The following NEIL2 variants were observed in gnomAD, a reference collection of about 807,000 sequenced individuals.
NEIL2 encodes the protein endonuclease 8-like 2.
Under a neutral mutation model 22.2 loss-of-function variants are expected in NEIL2, and 23 were observed. That is an observed-to-expected ratio of 1.04 (90% CI 0.75 to 1.47). The LOEUF (loss-of-function observed/expected upper bound fraction) is 1.47. Among genes scored for constraint, NEIL2 ranks in the 40% most tolerant of loss-of-function variants. The pLI, the probability that NEIL2 is intolerant of heterozygous loss-of-function variation, is 0.00. For synonymous variants in NEIL2, 229 were observed against 164.8 expected (o/e 1.39, Z -2.99); for missense variants, 583 against 404.7 (o/e 1.44, Z -3.78).
chr8:11,784,237 C>T (rs1804697707), intron 4 of NEIL2, among the ~76,000 whole-genome samples: 1 of 152,206 alleles, frequency 6.6e-6, no homozygotes, highest in South Asian at 2.1e-4. Context: ...ATGGGAGTCC[C>T]TGTGCACTCA....
intron 3 of NEIL2, 136 bp downstream of exon 3, chr8:11,780,086 G>C: frequency 1.4e-6 from 1 of 690,476 alleles, no homozygotes; most frequent in Non-Finnish European, 2.5e-6. Flanking sequence ...CTTGGGGAGA[G>C]AGGCCACCTC....
chr8:11,782,817 A>G (rs552670374), intron 3 of NEIL2: 27 of 344,230 alleles, frequency 7.8e-5, no homozygotes, highest in Non-Finnish European at 1.5e-4. Context: ...ATCCAGCCAC[A>G]GAGTGTGCTT....
chr8:11,786,687 T>C lies in NEIL2; in HGVS notation c.*414T>C. ...GAGAGTCTTGCTCTGTCTCCCTGGCTAGGGTGTGGTGGTGTGATCTTGGCT... is the reference window on the plus strand; with the variant it reads ...GAGAGTCTTGCTCTGTCTCCCTGGCCAGGGTGTGGTGGTGTGATCTTGGCT... On this transcript the variant is annotated 3_prime_UTR_variant, in exon 5 of 5. Transcript: ENST00000284503. 1 of 257,656 alleles carries C rather than the reference T, an allele frequency of 3.9e-6. No individual in the cohort carries two copies. Among genetic ancestry groups the C allele is most frequent in the East Asian group, 1.1e-4 (1 of 8,750 alleles). The allele number at this position is 257,656 out of a possible 1,614,324, so 16.0% of individuals were successfully genotyped here.
chr8:11,772,921 A>C (rs1212599258), intron 2 of NEIL2, among the ~76,000 whole-genome samples: 1 of 150,048 alleles, frequency 6.7e-6, no homozygotes, highest in African/African-American at 2.5e-5. Flanking sequence ...CTCACCCCCC[A>C]CCCCCGCAAC....
At chr8:11,772,653 G>C (rs183903635) in intron 2 of NEIL2, among the ~76,000 whole-genome samples, 84 of 152,344 alleles carry the variant, frequency 5.5e-4, no homozygotes, top group Non-Finnish European at 8.5e-4. Context: ...GGCAGGGGCT[G>C]CTCCTCGCCA....
chr8:11,774,659 G>T (rs1442754469), intron 2 of NEIL2, among the ~76,000 whole-genome samples: 1 of 152,154 alleles, frequency 6.6e-6, no homozygotes, highest in Non-Finnish European at 1.5e-5. Flanking sequence ...GACAAGGCAG[G>T]TTGCTTCCAC....
rs766597503 is a variant in NEIL2, at chr8:11,786,227, G to A, written c.953G>A (p.Cys318Tyr). 1.2e-6 allele frequency: 2 copies of A among 1,613,076 alleles called. No homozygotes were observed. Among genetic ancestry groups the A allele is most frequent in the East Asian group, 2.2e-5 (1 of 44,878 alleles). ...LQRLTWWCPQ[C>Y]QPQLSEEPEQ... The stretch of plus-strand genomic sequence containing the variant: ...AGGCTCACCTGGTGGTGCCCGCAGT[G>A]CCAGCCCCAGTTGTCAGAGGAGCCA... Residue 318 changes from cysteine to tyrosine, a missense_variant, in exon 5 of 5, where the codon TGC becomes TAC. By Grantham distance (194) the Cys-to-Tyr change is radical. Coordinates refer to ENST00000284503, the MANE Select transcript of NEIL2 (RefSeq NM_145043.4).
chr8:11,774,322 C>G (rs1198647234), intron 2 of NEIL2, among the ~76,000 whole-genome samples: 1 of 152,142 alleles, frequency 6.6e-6, no homozygotes, highest in South Asian at 2.1e-4. Context: ...TTGCAGTGAG[C>G]TGAGATCGCA....
chr8:11,777,574 C>T (rs1219960269), intron 2 of NEIL2, among the ~76,000 whole-genome samples: 1 of 152,168 alleles, frequency 6.6e-6, no homozygotes, highest in African/African-American at 2.4e-5. Context: ...CACCTTTCTA[C>T]TTTCTGTCTC....
intron 2 of NEIL2, 104 bp downstream of exon 2, chr8:11,771,689 C>A: frequency 1.6e-6 from 2 of 1,263,670 alleles, no homozygotes; most frequent in Non-Finnish European, 2.2e-6. Context: ...GAGTCCGGAA[C>A]CACCAAGCTC....
intron 2 of NEIL2, among the ~76,000 whole-genome samples, chr8:11,772,885 A>G (rs1036464500): frequency 1.3e-5 from 2 of 152,184 alleles, no homozygotes; most frequent in Non-Finnish European, 2.9e-5. Flanking sequence ...CTCCATAAGT[A>G]CTAGTTCCCT....
At chr8:11,780,181 A>G (rs887515003) in intron 3 of NEIL2, among the ~76,000 whole-genome samples, 2 of 151,584 alleles carry the variant, frequency 1.3e-5, no homozygotes, top group African/African-American at 4.9e-5. Context: ...GAAGGGGAGA[A>G]TTTTCCCAGC....
chr8:11,779,587 A>T lies in NEIL2; in HGVS notation c.139-11A>T. 6.2e-7 allele frequency: 1 copy of T among 1,600,758 alleles called. No individual in the cohort carries two copies. The highest frequency in any genetic ancestry group is 8.5e-7 in the Non-Finnish European group (1 of 1,170,176). ...GTCTGTAAGGCTTGGATCTCTGTTC[A>T]TTTTTTCTAGGTCCATGGAAAGAAA... On this transcript the variant is annotated splice_polypyrimidine_tract_variant and intron_variant, in intron 2 of 4. Coordinates refer to ENST00000284503, the MANE Select transcript of NEIL2 (RefSeq NM_145043.4).
Position 11,786,019 on chromosome 8 carries a change from G to C in NEIL2, c.745G>C (p.Gly249Arg), listed in dbSNP as rs138259101. 1.2e-6 allele frequency: 2 copies of C among 1,613,990 alleles called. No homozygotes were observed. Among genetic ancestry groups the C allele is most frequent in the African/African-American group, 1.3e-5 (1 of 74,888 alleles). The change falls in exon 5 of 5, where the codon GGT (glycine) becomes CGT (arginine). Residue 249 changes from glycine to arginine, a missense_variant. Physicochemically the swap from Gly to Arg is moderately radical, Grantham distance 125 (BLOSUM62 -2). Transcript: ENST00000284503. Reference sequence around the variant, plus strand: ...AGCTGGGATCCATCCCCTTTCTCTCGGTTCAGTCCTGAGTGCCTCGCGTCG... The same window carrying C: ...AGCTGGGATCCATCCCCTTTCTCTCCGTTCAGTCCTGAGTGCCTCGCGTCG... The part of the protein sequence containing the change: ...YRAGIHPLSL[G>R]SVLSASRREV...
intron 1 of NEIL2, among the ~76,000 whole-genome samples, chr8:11,770,641 G>A (rs563832678): frequency 6.5e-4 from 99 of 152,306 alleles, no homozygotes; most frequent in African/African-American, 2.3e-3. Context: ...TAGAGAGGCT[G>A]GTGCAGGAAC....
chr8:11,771,297 C>T (rs1231936096), intron 1 of NEIL2, 149 bp from the exon 2 acceptor site: 69 of 943,000 alleles, frequency 7.3e-5, no homozygotes, highest in Non-Finnish European at 8.1e-5. Flanking sequence ...ATCTGACCGC[C>T]TCCCAGCCAC....
rs780686764 is a variant in NEIL2, at chr8:11,783,451, C to A, written c.688+52C>A. 2.6e-6 allele frequency: 4 copies of A among 1,560,156 alleles called. No individual in the cohort carries two copies. In the South Asian group the frequency reaches 3.3e-5, roughly 13 times the overall value. On this transcript the variant is annotated intron_variant, in intron 4 of 4. Transcript: ENST00000284503. ...CCACAGAGTTGCTTCATGGAAAAGTCGGTCCTGTGGGAGTCAGAAGACCTG... is the reference window on the plus strand; with the variant it reads ...CCACAGAGTTGCTTCATGGAAAAGTAGGTCCTGTGGGAGTCAGAAGACCTG...
Position 11,783,256 on chromosome 8 carries a change from T to G in NEIL2, c.545T>G (p.Leu182Trp). 1 of 1,614,244 alleles carries G rather than the reference T, an allele frequency of 6.2e-7. No individual in the cohort carries two copies. Residue 182 changes from leucine (L) to tryptophan (W), a missense_variant, in exon 4 of 5, where the codon TTG becomes TGG. Physicochemically the swap from Leu to Trp is moderately conservative, Grantham distance 61. Coordinates refer to ENST00000284503, the MANE Select transcript of NEIL2 (RefSeq NM_145043.4). ...TTCCTGGCATTTTATAATTGTCAGT[T>G]GTCTTGGAGCTCTTCCCCAGTGGTC... ...GGFLAFYNCQLSWSSSPVVTP... is the reference protein window; with the variant it reads ...GGFLAFYNCQWSWSSSPVVTP...
At chr8:11,784,500 C>T (rs1464948007) in intron 4 of NEIL2, among the ~76,000 whole-genome samples, 1 of 152,156 alleles carries the variant, frequency 6.6e-6, no homozygotes, top group Non-Finnish European at 1.5e-5. Flanking sequence ...TCAATGAATT[C>T]TGGAGAGACT....
Sources: allele counts gnomAD v4.1 joint callset (sites outside exome capture counted in the v4.1 genomes callset), GRCh38; gene constraint gnomAD v4.1.1; transcripts MANE v1.5; gene names NCBI Gene and HGNC (gene_info 2026-07-23, HGNC 2026-07-21).